NELL1: variants seen among roughly 807,000 people sequenced by gnomAD.
The protein encoded by NELL1 is neural EGFL like 1, also known as protein kinase C-binding protein NELL1.
A neutral mutation model predicts 107.4 loss-of-function variants in NELL1; 76 were observed. The ratio of observed to expected loss-of-function variants is 0.71; its 90% confidence interval spans 0.59 to 0.86. The LOEUF is 0.86. Ranked by LOEUF, NELL1 falls within the 40% of genes least tolerant of loss-of-function variation. The pLI, the probability that NELL1 is intolerant of heterozygous loss-of-function variation, is 0.00. For missense variants in NELL1, 1,024 were observed against 1,005.5 expected, an observed-to-expected ratio of 1.02 and a Z score of -0.25; for synonymous variants, 353 against 341.2, an observed-to-expected ratio of 1.03 and a Z score of -0.38.
chr11:20,860,755 G>T (rs558976262), intron 4 of NELL1, among the ~76,000 whole-genome samples: 1 of 152,198 alleles, frequency 6.6e-6, no homozygotes, highest in Non-Finnish European at 1.5e-5. Flanking sequence ...AAGGTGAACC[G>T]TGCCTTGCTC....
intron 16 of NELL1, among the ~76,000 whole-genome samples, chr11:21,558,784 G>A (rs927488262): frequency 6.6e-6 from 1 of 152,028 alleles, no homozygotes; most frequent in African/African-American, 2.4e-5. Flanking sequence ...TAAGAGCTTG[G>A]TTTCAAACAT....
chr11:21,107,214 G>T (rs572709795), intron 12 of NELL1, among the ~76,000 whole-genome samples: 1 of 152,008 alleles, frequency 6.6e-6, no homozygotes, highest in South Asian at 2.1e-4. Context: ...TTTGGGTTTG[G>T]ACAAATATAT....
intron 14 of NELL1, among the ~76,000 whole-genome samples, chr11:21,298,382 C>T (rs916430548): frequency 6.6e-6 from 1 of 151,934 alleles, no homozygotes; most frequent in African/African-American, 2.4e-5. Flanking sequence ...TTTATTTCTT[C>T]TCTTCTCAGA....
At chr11:21,039,055 A>T (rs923711581) in intron 12 of NELL1, among the ~76,000 whole-genome samples, 5 of 152,174 alleles carry the variant, frequency 3.3e-5, no homozygotes, top group African/African-American at 1.2e-4. Flanking sequence ...AAAAAGATCA[A>T]GGGGGTGATA....
intron 14 of NELL1, among the ~76,000 whole-genome samples, chr11:21,347,838 C>A (rs1332178742): frequency 2.0e-5 from 3 of 152,106 alleles, no homozygotes; most frequent in Non-Finnish European, 4.4e-5. Flanking sequence ...TGGAAGGTAA[C>A]CACCGGTGCC....
rs374067500 is a variant in NELL1 at position 21,570,855 on chromosome 11, C to T, written c.2072C>T (p.Thr691Ile). Residue 691 changes from threonine (T) to isoleucine (I), a missense_variant, in exon 18 of 20, where the codon ACA (threonine) becomes ATA (isoleucine). Coordinates refer to ENST00000357134, the MANE Select transcript of NELL1 (RefSeq NM_006157.5). Reference protein sequence around the residue: ...FCCPECDTRVTSQCLDQNGHK... With the variant: ...FCCPECDTRVISQCLDQNGHK... ...TGCCCAGAATGTGACACCAGAGTCA[C>T]AAGTCAATGTTTAGACCAAAATGGT... 2.5e-6 allele frequency: 4 copies of T among 1,611,892 alleles called. No homozygotes were observed. In the African/African-American group the frequency reaches 4.0e-5, roughly 16 times the overall value.
chr11:20,900,048 G>A (rs1304890741), intron 5 of NELL1, among the ~76,000 whole-genome samples: 1 of 152,122 alleles, frequency 6.6e-6, no homozygotes, highest in East Asian at 1.9e-4. Context: ...TTGTGCATTA[G>A]CAATTTGAGC....
intron 2 of NELL1, among the ~76,000 whole-genome samples, chr11:20,690,924 G>A (rs1308084165): frequency 6.6e-6 from 1 of 151,840 alleles, no homozygotes; most frequent in African/African-American, 2.4e-5. Context: ...AGCATGGAAT[G>A]TTCTTCCATT....
chr11:20,960,308 G>A (rs1051326471), intron 11 of NELL1, 124 bp from the exon 12 acceptor site: 50 of 996,266 alleles, frequency 5.0e-5, no homozygotes, highest in Non-Finnish European at 6.9e-5. Flanking sequence ...CAGTTTATCC[G>A]TGCATACTGC....
intron 4 of NELL1, among the ~76,000 whole-genome samples, chr11:20,857,956 G>A (rs948441770): frequency 2.0e-5 from 3 of 152,202 alleles, no homozygotes; most frequent in African/African-American, 7.2e-5. Context: ...GATGCAGTTA[G>A]TAACTGCATA....
At chr11:21,033,428 C>T (rs1003013280) in intron 12 of NELL1, among the ~76,000 whole-genome samples, 2 of 152,158 alleles carry the variant, frequency 1.3e-5, no homozygotes, top group African/African-American at 4.8e-5. Flanking sequence ...TGTAGTTACC[C>T]TCTATGTGTC....
At chr11:20,996,706 T>C (rs1852098081) in intron 12 of NELL1, among the ~76,000 whole-genome samples, 1 of 152,174 alleles carries the variant, frequency 6.6e-6, no homozygotes, top group African/African-American at 2.4e-5. Flanking sequence ...TCTGTGGGCA[T>C]GGGAGTCCAT....
chr11:20,720,750 T>A (rs1855361587), intron 2 of NELL1, among the ~76,000 whole-genome samples: 1 of 152,060 alleles, frequency 6.6e-6, no homozygotes, highest in African/African-American at 2.4e-5. Flanking sequence ...TCCCTCTAAG[T>A]GGATCTCTAT....
chr11:21,159,850 C>T (rs555276758), intron 13 of NELL1, among the ~76,000 whole-genome samples: 1 of 152,274 alleles, frequency 6.6e-6, no homozygotes, highest in South Asian at 2.1e-4. Context: ...GGTCCATATC[C>T]CTCTTAGCTG....
intron 13 of NELL1, among the ~76,000 whole-genome samples, chr11:21,183,183 A>G (rs1856864005): frequency 6.6e-6 from 1 of 151,936 alleles, no homozygotes; most frequent in Admixed American, 6.5e-5. Flanking sequence ...TTATTACCTC[A>G]GTATAATATA....
chr11:21,492,890 T>TATAATA (rs375172796), intron 15 of NELL1, among the ~76,000 whole-genome samples: 2 of 151,414 alleles, frequency 1.3e-5, no homozygotes, highest in Non-Finnish European at 2.9e-5. Context: ...AAACTTAAAG[T>TATAATA]ATAATAATAA....
chr11:20,701,756 T>G (rs951528984), intron 2 of NELL1, among the ~76,000 whole-genome samples: 57 of 152,312 alleles, frequency 3.7e-4, no homozygotes, highest in African/African-American at 1.3e-3. Flanking sequence ...CACCATTTAT[T>G]AAATGGGGAA....
At chr11:20,764,256 C>T (rs1335617239) in intron 2 of NELL1, among the ~76,000 whole-genome samples, 2 of 152,128 alleles carry the variant, frequency 1.3e-5, no homozygotes, top group African/African-American at 4.8e-5. Context: ...GCCTTATAGG[C>T]AATTGGTATA....
chr11:21,524,414 A>C (rs1049887425), intron 15 of NELL1, among the ~76,000 whole-genome samples: 2 of 152,176 alleles, frequency 1.3e-5, no homozygotes, highest in Non-Finnish European at 2.9e-5. Flanking sequence ...ATATTCTAAA[A>C]TAGAATGTAT....
Sources: gnomAD v4.1 joint callset for allele counts (sites outside exome capture counted in the v4.1 genomes callset) on GRCh38, gnomAD v4.1.1 for gene constraint, MANE v1.5 for transcripts, NCBI Gene and HGNC (gene_info 2026-07-23, HGNC 2026-07-21) for gene names.